The following GRIA2 variants were observed in gnomAD, a reference collection of about 807,000 sequenced individuals.
The protein encoded by GRIA2 is glutamate ionotropic receptor AMPA type subunit 2.
In GRIA2, 14 loss-of-function variants were observed where a neutral mutation model predicts 97.3. The ratio of observed to expected loss-of-function variants is 0.14; its 90% CI spans 0.10 to 0.23. The LOEUF (loss-of-function observed/expected upper bound fraction) is 0.23. Among genes scored for constraint, GRIA2 ranks in the 10% least tolerant of loss-of-function variants. The pLI is 1.00. For synonymous variants in GRIA2, 412 were observed against 387.8 expected (o/e 1.06, Z -0.73); for missense variants, 558 against 1,069.8 (o/e 0.52, Z 6.67).
At chr4:157,221,941 C>A in intron 2 of GRIA2, 134 bp downstream of exon 2, 1 of 743,416 alleles carries the variant, frequency 1.3e-6, no homozygotes, top group Admixed American at 2.3e-5. Flanking sequence ...ACTGCACACA[C>A]GCGTGCGTGT....
chr4:157,356,566 A>C (rs1038953576), intron 12 of GRIA2, among the ~76,000 whole-genome samples: 1 of 152,070 alleles, frequency 6.6e-6, no homozygotes, highest in Non-Finnish European at 1.5e-5. Context: ...GTCCACACAA[A>C]GGGGCTAATT....
At chr4:157,287,756 T>A (rs1480212977) in intron 2 of GRIA2, among the ~76,000 whole-genome samples, 2 of 151,486 alleles carry the variant, frequency 1.3e-5, no homozygotes, top group Non-Finnish European at 3.0e-5. Flanking sequence ...CACAATTCTG[T>A]CCTATGTTCT....
intron 2 of GRIA2, among the ~76,000 whole-genome samples, chr4:157,291,030 G>A (rs184004143): frequency 6.6e-6 from 1 of 152,006 alleles, no homozygotes; most frequent in East Asian, 1.9e-4. Flanking sequence ...GGCTTTAACT[G>A]AATTCATATG....
chr4:157,337,990 A>ATG (rs1261952601), intron 11 of GRIA2, among the ~76,000 whole-genome samples: 2 of 143,926 alleles, frequency 1.4e-5, no homozygotes, highest in African/African-American at 2.5e-5. Context: ...AGCATGACAT[A>ATG]TGTGTGTATA....
At chr4:157,314,427 G>T in intron 4 of GRIA2, among the ~76,000 whole-genome samples, 1 of 152,130 alleles carries the variant, frequency 6.6e-6, no homozygotes, top group East Asian at 1.9e-4. Context: ...AATGTTGAAT[G>T]CCAGAGAGGT....
chr4:157,333,080 C>T, intron 7 of GRIA2, 94 bp downstream of exon 7: 3 of 1,053,364 alleles, frequency 2.8e-6, no homozygotes, highest in Admixed American at 2.7e-5. Flanking sequence ...TTCCTTGTGT[C>T]TAATATACAG....
In GRIA2 at chr4:157,220,851, G is replaced by A. The variant is rs75766338; in HGVS notation, c.-192G>A. 621 of 592,088 alleles carry A rather than the reference G, an allele frequency of 1.0e-3. 7 individuals carry two copies. Among genetic ancestry groups the A allele is most frequent in the African/African-American group, 0.01 (540 of 53,552 alleles). 36.7% of individuals were successfully genotyped at this position (592,088 alleles called of 1,614,324 possible). A position where few individuals can be genotyped will look rare whatever the true frequency, so the allele number is the denominator to read the frequency against. Reference sequence around the variant, plus strand: ...TTCTGGAGCGGGGACAGGGCGCAGGGCATCAGCAGCCACCAGCAGGACCTG... The same window carrying A: ...TTCTGGAGCGGGGACAGGGCGCAGGACATCAGCAGCCACCAGCAGGACCTG... On this transcript the variant is annotated 5_prime_UTR_variant, in exon 1 of 16. Coordinates refer to ENST00000264426, the MANE Select transcript of GRIA2 (RefSeq NM_001083619.3).
chr4:157,317,607 A>G (rs751623846), intron 4 of GRIA2, 51 bp from the exon 5 acceptor site: 31 of 724,256 alleles, frequency 4.3e-5, no homozygotes, highest in Non-Finnish European at 7.0e-5. Context: ...CATTAATTTT[A>G]CACTTGCATT....
intron 2 of GRIA2, among the ~76,000 whole-genome samples, chr4:157,272,690 A>G (rs1007911626): frequency 6.6e-6 from 1 of 152,104 alleles, no homozygotes; most frequent in Non-Finnish European, 1.5e-5. Flanking sequence ...CATTCTGTTC[A>G]TCTTAACCAA....
At chr4:157,243,652 T>A (rs1730603152) in intron 2 of GRIA2, among the ~76,000 whole-genome samples, 1 of 152,148 alleles carries the variant, frequency 6.6e-6, no homozygotes, top group Non-Finnish European at 1.5e-5. Flanking sequence ...TTTCCACTTT[T>A]GTTTTGCTAT....
intron 12 of GRIA2, chr4:157,342,250 A>G: frequency 1.0e-6 from 1 of 983,560 alleles, no homozygotes; most frequent in Non-Finnish European, 1.2e-6. Context: ...AGTGAAATCT[A>G]GTCCAGCTTA....
chr4:157,325,673 T>G (rs1292220251), intron 6 of GRIA2, among the ~76,000 whole-genome samples: 1 of 152,206 alleles, frequency 6.6e-6, no homozygotes, highest in Non-Finnish European at 1.5e-5. Flanking sequence ...TTATCCCAGT[T>G]GATGGCAACT....
intron 4 of GRIA2, among the ~76,000 whole-genome samples, chr4:157,315,376 CCAAA>C (rs1734265534): frequency 1.4e-5 from 2 of 144,064 alleles, no homozygotes; most frequent in Non-Finnish European, 3.0e-5. Context: ...AAGGTACATT[CCAAA>C]AAAAAAAAAA....
chr4:157,322,211 G>C (rs1734602136), intron 6 of GRIA2, among the ~76,000 whole-genome samples: 1 of 149,370 alleles, frequency 6.7e-6, no homozygotes, highest in African/African-American at 2.5e-5. Context: ...GAGAGAGAGA[G>C]AAAGAGAGAG....
intron 2 of GRIA2, among the ~76,000 whole-genome samples, chr4:157,259,530 G>T (rs1731432247): frequency 6.6e-6 from 1 of 152,088 alleles, no homozygotes; most frequent in Admixed American, 6.6e-5. Context: ...GTTCACAGAT[G>T]ATATGAACTT....
chr4:157,235,961 G>A (rs1450365566), intron 2 of GRIA2, among the ~76,000 whole-genome samples: 3 of 151,864 alleles, frequency 2.0e-5, no homozygotes, highest in Non-Finnish European at 2.9e-5. Flanking sequence ...AATAATCTAA[G>A]AGACACTAAC....
chr4:157,274,111 T>C (rs1242461269), intron 2 of GRIA2, among the ~76,000 whole-genome samples: 2 of 151,790 alleles, frequency 1.3e-5, no homozygotes, highest in Non-Finnish European at 2.9e-5. Context: ...TGTAGATTTA[T>C]GTATTCTGCC....
In GRIA2 at chr4:157,332,983, A is replaced by G. The variant is rs919170590; in HGVS notation, c.1047A>G (p.Lys349=). 2 of 1,601,102 alleles carry G rather than the reference A, an allele frequency of 1.2e-6. No homozygotes were observed. Among genetic ancestry groups the G allele is most frequent in the Non-Finnish European group, 1.7e-6 (2 of 1,174,244 alleles). Residue 349 remains lysine, a synonymous_variant, in exon 7 of 16, where the codon AAA becomes AAG. Coordinates refer to ENST00000264426, the MANE Select transcript of GRIA2 (RefSeq NM_001083619.3). Reference sequence around the variant, plus strand: ...GTGTAGAAATAGAAAGGGCCCTCAAACAGGTCAGTTACTCAAAATAATCGT... The same window carrying G: ...GTGTAGAAATAGAAAGGGCCCTCAAGCAGGTCAGTTACTCAAAATAATCGT... ...GQGVEIERAL[K]QVQVEGLSGN... is the part of the protein sequence containing the mutation.
At chr4:157,339,782 A>G (rs1735468850) in intron 11 of GRIA2, among the ~76,000 whole-genome samples, 1 of 151,952 alleles carries the variant, frequency 6.6e-6, no homozygotes, top group African/African-American at 2.4e-5. Context: ...TATGTGTCAT[A>G]TAACTATACT....
Sources: allele counts gnomAD v4.1 joint callset (sites outside exome capture counted in the v4.1 genomes callset), GRCh38; gene constraint gnomAD v4.1.1; transcripts MANE v1.5; gene names NCBI Gene and HGNC (gene_info 2026-07-23, HGNC 2026-07-21).